The following ALPK1 variants were observed in gnomAD, a reference collection of about 807,000 sequenced individuals.
ALPK1 encodes the protein alpha kinase 1, also known as alpha-protein kinase 1.
ALPK1 carries 110 observed loss-of-function variants against 120.6 expected under a neutral mutation model. The ratio of observed to expected loss-of-function variants is 0.91; its 90% confidence interval spans 0.78 to 1.07. The LOEUF is 1.07. Ranked by LOEUF, ALPK1 falls within the 50% of genes least tolerant of loss-of-function variation. The pLI is 0.00. For synonymous variants in ALPK1, 582 were observed against 560.3 expected (o/e 1.04, Z -0.55); for missense variants, 1,498 against 1,483.9 (o/e 1.01, Z -0.16).
At chr4:112,298,971 T>A (rs1185937179) in intron 1 of ALPK1, among the ~76,000 whole-genome samples, 4 of 152,208 alleles carry the variant, frequency 2.6e-5, no homozygotes, top group Non-Finnish European at 4.4e-5. Flanking sequence ...TGGCATAAGC[T>A]GTTCATTGTA....
At chr4:112,439,659 G>T in intron 13 of ALPK1, 27 bp from the exon 14 acceptor site, 1 of 1,583,790 alleles carries the variant, frequency 6.3e-7, no homozygotes, top group Non-Finnish European at 8.6e-7. Context: ...CCATTATGCT[G>T]TAATGTTTCT....
intron 5 of ALPK1, among the ~76,000 whole-genome samples, chr4:112,413,138 T>C (rs1363986782): frequency 1.3e-5 from 2 of 152,196 alleles, no homozygotes; most frequent in Non-Finnish European, 2.9e-5. Context: ...GTGTGGGATA[T>C]GAAAGAAACC....
chr4:112,399,524 G>C (rs761689185), intron 4 of ALPK1, among the ~76,000 whole-genome samples: 19 of 152,158 alleles, frequency 1.2e-4, no homozygotes, highest in Non-Finnish European at 2.1e-4. Context: ...AGAAAGGGCA[G>C]CAGAGAAATG....
chr4:112,323,041 A>G (rs16997252), intron 2 of ALPK1, among the ~76,000 whole-genome samples: 2 of 152,144 alleles, frequency 1.3e-5, no homozygotes, highest in Admixed American at 1.3e-4. Context: ...TGCTGACCGC[A>G]GTCACTTTCT....
intron 4 of ALPK1, among the ~76,000 whole-genome samples, chr4:112,405,816 T>C (rs2023826): frequency 0.49 from 74,155 of 151,878 alleles, 18,679 homozygotes; most frequent in African/African-American, 0.62. Context: ...GCCTCATGAT[T>C]CACCCGCCTC....
chr4:112,371,825 G>C (rs546626211), intron 2 of ALPK1, among the ~76,000 whole-genome samples: 20 of 152,306 alleles, frequency 1.3e-4, no homozygotes, highest in African/African-American at 4.8e-4. Context: ...CGATATGTAA[G>C]GGTTCTCAAA....
intron 2 of ALPK1, among the ~76,000 whole-genome samples, chr4:112,323,714 G>A (rs922452475): frequency 2.0e-5 from 3 of 152,164 alleles, no homozygotes; most frequent in Admixed American, 6.5e-5. Context: ...GGCTCATCTA[G>A]GAGTGAGGCA....
intron 2 of ALPK1, among the ~76,000 whole-genome samples, chr4:112,376,073 T>C (rs75997096): frequency 0.038 from 5,787 of 152,280 alleles, 159 homozygotes; most frequent in African/African-American, 0.064. Flanking sequence ...AGACAGTTTG[T>C]GGTGCCCCAA....
intron 4 of ALPK1, among the ~76,000 whole-genome samples, chr4:112,399,961 G>A (rs943085263): frequency 4.6e-4 from 70 of 152,158 alleles, no homozygotes; most frequent in African/African-American, 1.6e-3. Flanking sequence ...GTATTCCATG[G>A]TGTATATGTA....
At chr4:112,348,733 A>T (rs1476168936) in intron 2 of ALPK1, among the ~76,000 whole-genome samples, 1 of 152,240 alleles carries the variant, frequency 6.6e-6, no homozygotes, top group East Asian at 1.9e-4. Flanking sequence ...TGACATGAAC[A>T]CGCTGTGTGA....
chr4:112,432,167 C>T lies in ALPK1; in HGVS notation c.2620C>T (p.Leu874=), dbSNP rs1372985236. 3 of 1,614,218 alleles carry T rather than the reference C, an allele frequency of 1.9e-6. No individual in the cohort carries two copies. Among genetic ancestry groups the T allele is most frequent in the Non-Finnish European group, 2.5e-6 (3 of 1,180,038 alleles). Reference sequence around the variant, plus strand: ...CACAAATGGGCACGGCTCTCATAGACTGTGCATTCTGAGACAGCCGCCTGG... The same window carrying T: ...CACAAATGGGCACGGCTCTCATAGATTGTGCATTCTGAGACAGCCGCCTGG... The part of the protein sequence containing the change: ...PCTNGHGSHR[L]CILRQPPGQR... Residue 874 remains leucine (L), a synonymous_variant, in exon 11 of 16, where the codon CTG becomes TTG. Coordinates refer to ENST00000650871, the MANE Select transcript of ALPK1 (RefSeq NM_025144.4).
chr4:112,394,865 T>C (rs1004729409), intron 4 of ALPK1, among the ~76,000 whole-genome samples: 1 of 152,018 alleles, frequency 6.6e-6, no homozygotes, highest in African/African-American at 2.4e-5. Flanking sequence ...AATGAACAGG[T>C]TCAAGTGTTG....
At chr4:112,380,960 A>G (rs1731876735) in intron 3 of ALPK1, among the ~76,000 whole-genome samples, 1 of 152,162 alleles carries the variant, frequency 6.6e-6, no homozygotes. Flanking sequence ...ATTGAGGAGA[A>G]GTGGCAATGT....
In ALPK1 at chr4:112,431,717, T is replaced by G. The variant is rs376165858; in HGVS notation, c.2170T>G (p.Ser724Ala). ...RPSYRSASWS[S>A]DSGRPKNMGT... ...CTCATATCGTTCTGCTTCTTGGTCTTCTGATTCTGGTAGGCCCAAGAATAT... is the reference window on the plus strand; with the variant it reads ...CTCATATCGTTCTGCTTCTTGGTCTGCTGATTCTGGTAGGCCCAAGAATAT... Residue 724 changes from serine to alanine, a missense_variant, in exon 11 of 16, where the codon TCT (serine) becomes GCT (alanine). By Grantham distance (99) the Ser-to-Ala change is moderately conservative. Coordinates refer to ENST00000650871, the MANE Select transcript of ALPK1 (RefSeq NM_025144.4). 1 of 1,614,120 alleles carries G rather than the reference T, an allele frequency of 6.2e-7. No homozygotes were observed. The highest frequency in any genetic ancestry group is 1.3e-5 in the African/African-American group (1 of 74,936).
intron 4 of ALPK1, among the ~76,000 whole-genome samples, chr4:112,385,429 A>G (rs570510083): frequency 6.6e-6 from 1 of 152,326 alleles, no homozygotes; most frequent in East Asian, 1.9e-4. Context: ...GGCGCTGTCT[A>G]TTAGGCCTTC....
chr4:112,425,575 CAT>C (rs772212121), intron 6 of ALPK1, 88 bp from the exon 7 acceptor site: 22 of 1,040,566 alleles, frequency 2.1e-5, no homozygotes, highest in Non-Finnish European at 3.0e-5. Flanking sequence ...AATGATGTCA[CAT>C]GTGCTCATGA....
chr4:112,423,905 T>C (rs1560681556), intron 5 of ALPK1, 39 bp from the exon 6 acceptor site: 1 of 1,609,784 alleles, frequency 6.2e-7, no homozygotes, highest in Non-Finnish European at 8.5e-7. Context: ...AAGTGCATGT[T>C]CAAAGCTAAT....
rs193276435 is a variant in ALPK1 at position 112,402,738 on chromosome 4, C to G, written c.277-9089C>G. 8.5e-5 allele frequency among the ~76,000 whole-genome samples: 13 copies of G among 152,252 alleles called. 1 individual carries two copies. Among genetic ancestry groups the G allele is most frequent in the African/African-American group, 2.4e-4 (10 of 41,546 alleles). On this transcript the variant is annotated intron_variant, in intron 4 of 15. Coordinates refer to ENST00000650871, the MANE Select transcript of ALPK1 (RefSeq NM_025144.4). ...ACATGATCACATAACAGGAAAAATACAATTTGGTTGCTATTTGGACAATCT... is the reference window on the plus strand; with the variant it reads ...ACATGATCACATAACAGGAAAAATAGAATTTGGTTGCTATTTGGACAATCT...
intron 2 of ALPK1, among the ~76,000 whole-genome samples, chr4:112,343,761 C>G (rs1227595640): frequency 6.7e-6 from 1 of 149,346 alleles, no homozygotes; most frequent in African/African-American, 2.5e-5. Context: ...CCTTCTCCCC[C>G]CTACCCCCGT....
Sources: allele counts gnomAD v4.1 joint callset (sites outside exome capture counted in the v4.1 genomes callset), GRCh38; gene constraint gnomAD v4.1.1; transcripts MANE v1.5; gene names NCBI Gene and HGNC (gene_info 2026-07-23, HGNC 2026-07-21).